ZC3H12B: variants seen among roughly 807,000 people sequenced by gnomAD.
ZC3H12B encodes the protein zinc finger CCCH-type containing 12B, also known as probable ribonuclease ZC3H12B.
Under a neutral mutation model 43.9 loss-of-function variants are expected in ZC3H12B, and 7 were observed. That is an observed-to-expected ratio of 0.16 (90% CI 0.09 to 0.30). The LOEUF is 0.30. Ranked by LOEUF, ZC3H12B falls within the 10% of genes least tolerant of loss-of-function variation. The pLI is 1.00. For missense variants in ZC3H12B, 475 were observed against 670.2 expected, an observed-to-expected ratio of 0.71 and a Z score of 3.22; for synonymous variants, 222 against 241.7, an observed-to-expected ratio of 0.92 and a Z score of 0.76.
chrX:65,250,797 T>C, the ZC3H12B span, among the ~76,000 whole-genome samples: 4 of 112,079 alleles, frequency 3.6e-5, no homozygotes, highest in Non-Finnish European at 7.5e-5. Flanking sequence ...TGTTTTTTTC[T>C]TGTAAATTTG....
At chrX:65,167,682 A>T in the ZC3H12B span, among the ~76,000 whole-genome samples, 1 of 111,355 alleles carries the variant, frequency 9.0e-6, no homozygotes, top group Non-Finnish European at 1.9e-5. Context: ...TGAGCATGGG[A>T]TGTTCTTCCA....
At chrX:65,087,093 A>G in the ZC3H12B span, among the ~76,000 whole-genome samples, 1 of 110,448 alleles carries the variant, frequency 9.1e-6, no homozygotes, top group Non-Finnish European at 1.9e-5. Flanking sequence ...TCTGAGTCTA[A>G]TGGATGGCCT....
At chrX:65,137,563 A>T in the ZC3H12B span, among the ~76,000 whole-genome samples, 2 of 112,400 alleles carry the variant, frequency 1.8e-5, no homozygotes, top group East Asian at 5.6e-4. Flanking sequence ...TTAATTTTAT[A>T]TCACATCAGG....
chrX:65,203,934 C>G, the ZC3H12B span, among the ~76,000 whole-genome samples: 2 of 112,069 alleles, frequency 1.8e-5, no homozygotes, highest in Admixed American at 9.4e-5. Context: ...TGATGCTCCT[C>G]TAGCTAGAGA....
chrX:65,171,671 G>T, the ZC3H12B span, among the ~76,000 whole-genome samples: 2 of 110,768 alleles, frequency 1.8e-5, no homozygotes, highest in Non-Finnish European at 3.8e-5. Flanking sequence ...AGGCCTCCTT[G>T]ATCTGTGGTT....
intron 3 of ZC3H12B, among the ~76,000 whole-genome samples, chrX:65,474,745 G>C (rs1057034384): frequency 2.7e-5 from 3 of 111,306 alleles, no homozygotes; most frequent in East Asian, 5.6e-4. Context: ...CAAGTAGCTG[G>C]GATTATAGGC....
At chrX:65,292,964 A>G in the ZC3H12B span, among the ~76,000 whole-genome samples, 1 of 112,474 alleles carries the variant, frequency 8.9e-6, no homozygotes, top group East Asian at 2.8e-4. Context: ...AGCATGGGCA[A>G]CAGAGCAAGA....
intron 3 of ZC3H12B, among the ~76,000 whole-genome samples, chrX:65,420,955 G>A (rs1304748750): frequency 8.9e-6 from 1 of 112,352 alleles, no homozygotes; most frequent in Non-Finnish European, 1.9e-5. Context: ...AAGTCTACCA[G>A]AAGCAGTTTG....
the ZC3H12B span, among the ~76,000 whole-genome samples, chrX:65,331,996 G>A: frequency 1.8e-5 from 2 of 111,277 alleles, no homozygotes; most frequent in Admixed American, 9.6e-5. Flanking sequence ...TATCAGCAAG[G>A]TCTTTATGAC....
At chrX:65,324,576 T>C in the ZC3H12B span, among the ~76,000 whole-genome samples, 1 of 111,795 alleles carries the variant, frequency 8.9e-6, no homozygotes, top group Admixed American at 9.5e-5. Flanking sequence ...CCCATGAACA[T>C]ATTTAATTTC....
At chrX:65,418,615 G>A (rs1232601383) in intron 3 of ZC3H12B, among the ~76,000 whole-genome samples, 2 of 111,802 alleles carry the variant, frequency 1.8e-5, no homozygotes, top group African/African-American at 3.3e-5. Flanking sequence ...GACTCATACA[G>A]ACCTATGGCA....
At chrX:65,228,246 T>C in the ZC3H12B span, among the ~76,000 whole-genome samples, 2 of 111,869 alleles carry the variant, frequency 1.8e-5, no homozygotes, top group Admixed American at 1.9e-4. Context: ...AATCAATAAA[T>C]ATAATCCAGC....
the ZC3H12B span, among the ~76,000 whole-genome samples, chrX:65,217,406 T>C: frequency 9.0e-6 from 1 of 111,656 alleles, no homozygotes; most frequent in East Asian, 2.8e-4. Flanking sequence ...CAGACATCTA[T>C]GTACATCCAC....
the ZC3H12B span, among the ~76,000 whole-genome samples, chrX:65,080,198 A>G: frequency 9.3e-6 from 1 of 107,788 alleles, no homozygotes; most frequent in African/African-American, 3.4e-5. Context: ...GAAAAAAAAA[A>G]AAACAATGAA....
At chrX:65,380,113 A>C (rs1363600544) in intron 2 of ZC3H12B, among the ~76,000 whole-genome samples, 1 of 111,688 alleles carries the variant, frequency 9.0e-6, no homozygotes, top group East Asian at 2.8e-4. Context: ...AGAACGCCAC[A>C]AAGATACTCC....
At chrX:65,083,162 A>G in the ZC3H12B span, among the ~76,000 whole-genome samples, 1 of 111,307 alleles carries the variant, frequency 9.0e-6, no homozygotes, top group African/African-American at 3.3e-5. Context: ...TTCATACTAA[A>G]TGGGGAAAAA....
chrX:65,342,868 G>T, the ZC3H12B span, among the ~76,000 whole-genome samples: 1 of 108,690 alleles, frequency 9.2e-6, no homozygotes, highest in Non-Finnish European at 1.9e-5. Context: ...AAAGATCCAG[G>T]AATCCAAGAG....
chrX:65,233,329 G>T, the ZC3H12B span, among the ~76,000 whole-genome samples: 2 of 110,767 alleles, frequency 1.8e-5, no homozygotes, highest in African/African-American at 6.6e-5. Flanking sequence ...CATTCTCAAG[G>T]ATAGGCTATA....
the ZC3H12B span, among the ~76,000 whole-genome samples, chrX:65,244,727 C>CAAAAAAAA: frequency 6.5e-3 from 132 of 20,267 alleles, no homozygotes; most frequent in African/African-American, 0.022. Context: ...AATACCTTGC[C>CAAAAAAAA]AAAAAAAAAA....
Sources: allele counts gnomAD v4.1 joint callset (sites outside exome capture counted in the v4.1 genomes callset), GRCh38; gene constraint gnomAD v4.1.1; transcripts MANE v1.5; gene names NCBI Gene and HGNC (gene_info 2026-07-23, HGNC 2026-07-21).